Variants in MYCL observed in about 807,000 individuals in gnomAD.
MYCL encodes protein L-Myc.
A neutral mutation model predicts 31.0 loss-of-function variants in MYCL; 11 were observed. That is an observed-to-expected ratio of 0.35 (90% CI 0.22 to 0.59). The LOEUF (loss-of-function observed/expected upper bound fraction) is 0.59. Among genes scored for constraint, MYCL ranks in the 20% least tolerant of loss-of-function variants. The probability of loss-of-function intolerance (pLI) is 0.79; values close to 1 mark genes in which losing one functional copy is unlikely to be tolerated. For missense variants in MYCL, 427 were observed against 486.1 expected (o/e 0.88, Z 1.14); for synonymous variants, 208 against 202.4 (o/e 1.03, Z -0.23).
At position 39,895,479 on chromosome 1, in the gene MYCL, T is replaced by C. The variant is rs57610191; in HGVS notation, c.*1893A>G. 1,369 of 225,922 alleles carry C rather than the reference T, an allele frequency of 6.1e-3. 29 individuals carry two copies. The highest frequency in any genetic ancestry group is 0.028 in the African/African-American group (1,272 of 45,006). The allele number at this position is 225,922 out of a possible 1,614,324, so 14.0% of individuals were successfully genotyped here. On this transcript the variant is annotated 3_prime_UTR_variant, in exon 2 of 2. Transcript: ENST00000372816. ...TGTCCCAGAAGGCAACATTTTAAAA[T>C]CAGGCAATCAGTAATCACAACTAAA...
Position 39,901,438 on chromosome 1 carries a change from C to T in MYCL, c.-4G>A, listed in dbSNP as rs1288516709. Reference sequence around the variant, plus strand: ...GCTGGTACGAGTCGTAGTCCATGTCCGCTCCCTGCGGGAGGGAAGGGGGGA... The same window carrying T: ...GCTGGTACGAGTCGTAGTCCATGTCTGCTCCCTGCGGGAGGGAAGGGGGGA... On this transcript the variant is annotated 5_prime_UTR_variant, in exon 1 of 2. Transcript: ENST00000372816. This position sits in a 1 kb window ranked among gnomAD's most constrained non-coding sequence, Gnocchi z 6.9. 6.2e-7 allele frequency: 1 copy of T among 1,609,838 alleles called. No individual in the cohort carries two copies. Among genetic ancestry groups the T allele is most frequent in the Non-Finnish European group, 8.5e-7 (1 of 1,179,464 alleles).
At position 39,901,779 on chromosome 1, in the gene MYCL, GC is replaced by G; in HGVS notation, c.-346del. 1.6e-6 allele frequency: 2 copies of G among 1,245,162 alleles called. No individual in the cohort carries two copies. The highest frequency in any genetic ancestry group is 2.2e-5 in the South Asian group (1 of 46,296). The allele number at this position is 1,245,162 out of a possible 1,614,324, so 77.1% of individuals were successfully genotyped here. A position where few individuals can be genotyped will look rare whatever the true frequency, so the allele number is the denominator to read the frequency against. On this transcript the variant is annotated 5_prime_UTR_variant, in exon 1 of 2. It introduces an in-frame stop codon into an upstream open reading frame of the 5' UTR. Coordinates refer to ENST00000372816, the MANE Select transcript of MYCL (RefSeq NM_001033081.3). The surrounding 1 kb of genome is among the most constrained non-coding windows in gnomAD (Gnocchi z 6.9). ...AGCCAGCCCGCACCGCGGGACCCGC[GC>G]CCGTGCCCTGGCCACCCGCAGCCTC...
rs3117086 is a variant in MYCL at position 39,896,789 on chromosome 1, T to C, written c.*583A>G. ...AAGGGGGTCAGCTAACATCATAATA[T>C]ATAAAGGTTTCCAACTCCTTGGCTA... is the stretch of plus-strand genomic sequence containing the variant. On this transcript the variant is annotated 3_prime_UTR_variant, in exon 2 of 2. Coordinates refer to ENST00000372816, the MANE Select transcript of MYCL (RefSeq NM_001033081.3). 31,291 of 207,922 alleles carry C rather than the reference T, an allele frequency of 0.15. 3,105 individuals carry two copies. The highest frequency in any genetic ancestry group is 0.22 in the Non-Finnish European group (22,172 of 101,806). The allele number at this position is 207,922 out of a possible 1,614,324, so 12.9% of individuals were successfully genotyped here.
chr1:39,898,003 C>CA, intron 1 of MYCL, 33 bp from the exon 2 acceptor site: 1 of 1,594,748 alleles, frequency 6.3e-7, no homozygotes, highest in Non-Finnish European at 8.5e-7. Context: ...AGAAGAAACA[C>CA]ATCCCATGAG....
Position 39,901,890 on chromosome 1 carries a change from C to T in MYCL, c.-456G>A. 8.6e-7 allele frequency: 1 copy of T among 1,158,532 alleles called. No individual in the cohort carries two copies. The highest frequency in any genetic ancestry group is 1.1e-6 in the Non-Finnish European group (1 of 940,482). 71.8% of individuals were successfully genotyped at this position (1,158,532 alleles called of 1,614,324 possible). A position where few individuals can be genotyped will look rare whatever the true frequency, so the allele number is the denominator to read the frequency against. On this transcript the variant is annotated 5_prime_UTR_variant, in exon 1 of 2. Coordinates refer to ENST00000372816, the MANE Select transcript of MYCL (RefSeq NM_001033081.3). The surrounding 1 kb of genome is among the most constrained non-coding windows in gnomAD (Gnocchi z 6.9). ...CCGGCAGCCAGCACACACGCACATG[C>T]GCGCCGCCGAGAGCGCGGCCCGCAC...
chr1:39,901,312 C>T lies in MYCL; in HGVS notation c.123G>A (p.Thr41=), dbSNP rs368465117. The T allele has an allele frequency of 1.9e-6, 3 of 1,603,500 alleles. No individual in the cohort carries two copies. The South Asian group carries it at 3.3e-5, about 18-fold the overall frequency. The part of the protein sequence containing the change: ...KKFELVPSPP[T]SPPWGLGPGA... ...CGGGACCCAAGCCCCAGGGCGGCGACGTGGGGGGCGATGGCACCAGCTCGA... is the reference window on the plus strand; with the variant it reads ...CGGGACCCAAGCCCCAGGGCGGCGATGTGGGGGGCGATGGCACCAGCTCGA... Residue 41 remains threonine, a synonymous_variant, in exon 1 of 2, where the codon ACG becomes ACA. Transcript: ENST00000372816. This position sits in a 1 kb window ranked among gnomAD's most constrained non-coding sequence, Gnocchi z 6.9.
chr1:39,901,569 C>T lies in MYCL; in HGVS notation c.-135G>A, dbSNP rs1217233791. The T allele has an allele frequency of 6.9e-7, 1 of 1,445,508 alleles. No individual in the cohort carries two copies. The highest frequency in any genetic ancestry group is 9.0e-7 in the Non-Finnish European group (1 of 1,108,672). 89.5% of individuals were successfully genotyped at this position (1,445,508 alleles called of 1,614,324 possible). A position where few individuals can be genotyped will look rare whatever the true frequency, so the allele number is the denominator to read the frequency against. The stretch of plus-strand genomic sequence containing the variant: ...CCCAACCCCACCAGCTTGCAGCCTG[C>T]GCCCAGTCCTCGCGTCCCGGGAAGC... On this transcript the variant is annotated 5_prime_UTR_variant, in exon 1 of 2. Coordinates refer to ENST00000372816, the MANE Select transcript of MYCL (RefSeq NM_001033081.3). The surrounding 1 kb of genome is among the most constrained non-coding windows in gnomAD (Gnocchi z 6.9).
chr1:39,900,891 G>C, intron 1 of MYCL, 48 bp downstream of exon 1: 1 of 1,507,358 alleles, frequency 6.6e-7, no homozygotes. Flanking sequence ...CAGAGCTTTG[G>C]CCACCCATGG....
At chr1:39,899,704 G>C (rs140533294) in intron 1 of MYCL, 13,252 of 985,314 alleles carry the variant, frequency 0.013, 95 homozygotes, top group Non-Finnish European at 0.015. Flanking sequence ...AAGCAAGCTG[G>C]TTAAAAATGA....
At position 39,901,810 on chromosome 1, in the gene MYCL, C is replaced by T. The variant is rs1644543833; in HGVS notation, c.-376G>A. 6 of 1,275,726 alleles carry T rather than the reference C, an allele frequency of 4.7e-6. No individual in the cohort carries two copies. The African/African-American group carries it at 6.3e-5, about 13-fold the overall frequency. The allele number at this position is 1,275,726 out of a possible 1,614,324, so 79.0% of individuals were successfully genotyped here. On this transcript the variant is annotated 5_prime_UTR_variant, in exon 1 of 2. Transcript: ENST00000372816. This position sits in a 1 kb window ranked among gnomAD's most constrained non-coding sequence, Gnocchi z 6.9. ...GCCCTGGCCACCCGCAGCCTCACCT[C>T]GCTCCAGCCGCCCGCCACCTGGAGC...
At chr1:39,899,375 C>A (rs1446170402) in intron 1 of MYCL, among the ~76,000 whole-genome samples, 2 of 152,206 alleles carry the variant, frequency 1.3e-5, no homozygotes, top group Admixed American at 6.5e-5. Context: ...AAGATTCTAT[C>A]TAAGAAAGAA....
chr1:39,897,917 G>A lies in MYCL; in HGVS notation c.550C>T (p.Arg184Trp), dbSNP rs1328955180. The stretch of plus-strand genomic sequence containing the variant: ...CGCACCGTGATGGTGACCGGCTTCC[G>A]AATACCCAGAGACTGCCTCTTCTCT... ...TVEKRQSLGIRKPVTITVRAD... is the reference protein window; with the variant it reads ...TVEKRQSLGIWKPVTITVRAD... Residue 184 changes from arginine (R) to tryptophan (W), a missense_variant, in exon 2 of 2, where the codon CGG becomes TGG. Coordinates refer to ENST00000372816, the MANE Select transcript of MYCL (RefSeq NM_001033081.3). This position sits in a 1 kb window ranked among gnomAD's most constrained non-coding sequence, Gnocchi z 4.3. 8.7e-6 allele frequency: 14 copies of A among 1,613,942 alleles called. No homozygotes were observed. The highest frequency in any genetic ancestry group is 1.6e-4 in the Middle Eastern group (1 of 6,084).
Position 39,896,359 on chromosome 1 carries a change from A to G in MYCL, c.*1013T>C, listed in dbSNP as rs144476238. On this transcript the variant is annotated 3_prime_UTR_variant, in exon 2 of 2. Coordinates refer to ENST00000372816, the MANE Select transcript of MYCL (RefSeq NM_001033081.3). ...GGACAGATTTGCATGGTTCCAGAAGAACTTCAAACTTGCCGCTCAAGGATT... is the reference window on the plus strand; with the variant it reads ...GGACAGATTTGCATGGTTCCAGAAGGACTTCAAACTTGCCGCTCAAGGATT... 1.8e-3 allele frequency: 355 copies of G among 199,514 alleles called. 2 individuals are homozygous for G. In the Middle Eastern group the frequency reaches 0.036, roughly 20 times the overall value. The allele number at this position is 199,514 out of a possible 1,614,324, so 12.4% of individuals were successfully genotyped here.
Position 39,895,620 on chromosome 1 carries a change from T to C in MYCL, c.*1752A>G, listed in dbSNP as rs1273118894. ...AGTTAACACCACTTTGCAAAAGGCA[T>C]ACAAAAATACAATATAAAAAAAAAA... On this transcript the variant is annotated 3_prime_UTR_variant, in exon 2 of 2. Coordinates refer to ENST00000372816, the MANE Select transcript of MYCL (RefSeq NM_001033081.3). 1.8e-5 allele frequency: 4 copies of C among 219,834 alleles called. No individual in the cohort carries two copies. Among genetic ancestry groups the C allele is most frequent in the African/African-American group, 9.0e-5 (4 of 44,452 alleles). The allele number at this position is 219,834 out of a possible 1,614,324, so 13.6% of individuals were successfully genotyped here. A position where few individuals can be genotyped will look rare whatever the true frequency, so the allele number is the denominator to read the frequency against.
chr1:39,898,075 C>T (rs1644500802), intron 1 of MYCL, 105 bp from the exon 2 acceptor site: 2 of 1,482,166 alleles, frequency 1.3e-6, no homozygotes, highest in East Asian at 2.4e-5. Flanking sequence ...AGGTAGGAGA[C>T]ATTTTTCCAA....
rs376164184 is a variant in MYCL, at chr1:39,901,354, C to T, written c.81G>A (p.Glu27=). ...CCAGCTCGAATTTCTTCCAGATGTC[C>T]TCGCTGGGCGCCGTGGAGCGGTAGA... ...EDFYRSTAPS[E]DIWKKFELVP... The change falls in exon 1 of 2, where the codon GAG becomes GAA. Residue 27 remains glutamate, a synonymous_variant. Coordinates refer to ENST00000372816, the MANE Select transcript of MYCL (RefSeq NM_001033081.3). This position sits in a 1 kb window ranked among gnomAD's most constrained non-coding sequence, Gnocchi z 6.9. The T allele has an allele frequency of 6.2e-7, 1 of 1,610,834 alleles. No homozygotes were observed. Among genetic ancestry groups the T allele is most frequent in the African/African-American group, 1.3e-5 (1 of 75,030 alleles).
Position 39,897,314 on chromosome 1 carries a change from G to A in MYCL, c.*58C>T, listed in dbSNP as rs532123956. On this transcript the variant is annotated 3_prime_UTR_variant, in exon 2 of 2. Coordinates refer to ENST00000372816, the MANE Select transcript of MYCL (RefSeq NM_001033081.3). This position sits in a 1 kb window ranked among gnomAD's most constrained non-coding sequence, Gnocchi z 4.3. The stretch of plus-strand genomic sequence containing the variant: ...TGTGCAAATTACTAAAGGGGAGAGG[G>A]AGGTTAAAAAATAAACTTGTGTCTT... 2,288 of 1,457,890 alleles carry A rather than the reference G, an allele frequency of 1.6e-3. No individual in the cohort carries two copies. Among genetic ancestry groups the A allele is most frequent in the Non-Finnish European group, 1.9e-3 (2,011 of 1,076,376 alleles). The allele number at this position is 1,457,890 out of a possible 1,614,324, so 90.3% of individuals were successfully genotyped here.
At chr1:39,899,827 C>T in intron 1 of MYCL, 1 of 985,350 alleles carries the variant, frequency 1.0e-6, no homozygotes, top group Middle Eastern at 5.2e-4. Context: ...ATCAAATGGT[C>T]GTGTAAAAGT....
In MYCL at chr1:39,901,095, C is replaced by G. The variant is rs748738471; in HGVS notation, c.340G>C (p.Ala114Pro). The change falls in exon 1 of 2, where the codon GCT (alanine) becomes CCT (proline). Residue 114 changes from alanine (A) to proline (P), a missense_variant. By Grantham distance (27) the Ala-to-Pro change is conservative. Coordinates refer to ENST00000372816, the MANE Select transcript of MYCL (RefSeq NM_001033081.3). The surrounding 1 kb of genome is among the most constrained non-coding windows in gnomAD (Gnocchi z 6.9). ...GGGTTCCCCCGGGGCGCGCCAGGAG[C>G]GAGCCGGTCGCTCACAGCTCTCTCC... ...RLERAVSDRL[A>P]PGAPRGNPPK... 5.1e-5 allele frequency: 81 copies of G among 1,581,308 alleles called. No homozygotes were observed. The highest frequency in any genetic ancestry group is 6.9e-5 in the Non-Finnish European group (80 of 1,164,348).
Sources: gnomAD v4.1 joint callset for allele counts (sites outside exome capture counted in the v4.1 genomes callset) on GRCh38, gnomAD v4.1.1 for gene constraint, Gnocchi (gnomAD v3.1) non-coding constraint, MANE v1.5 for transcripts, NCBI Gene and HGNC (gene_info 2026-07-23, HGNC 2026-07-21) for gene names.